The following RNF126 variants were observed in gnomAD, a reference collection of about 807,000 sequenced individuals.
RNF126 encodes the protein E3 ubiquitin-protein ligase RNF126.
A neutral mutation model predicts 41.9 loss-of-function variants in RNF126; 20 were observed. The ratio of observed to expected loss-of-function variants is 0.48; its 90% CI spans 0.34 to 0.69. The LOEUF (loss-of-function observed/expected upper bound fraction) is 0.69, where lower values mean the gene tolerates loss of function less well. Among genes scored for constraint, RNF126 ranks in the 30% least tolerant of loss-of-function variants. The pLI is 0.01. For missense variants in RNF126, 433 were observed against 460.6 expected, an observed-to-expected ratio of 0.94 and a Z score of 0.55; for synonymous variants, 239 against 202.9, an observed-to-expected ratio of 1.18 and a Z score of -1.51.
Position 650,273 on chromosome 19 carries a change from C to T in RNF126, c.467G>A (p.Gly156Asp). 14 of 1,582,218 alleles carry T rather than the reference C, an allele frequency of 8.8e-6. No homozygotes were observed. Among genetic ancestry groups the T allele is most frequent in the Non-Finnish European group, 1.2e-5 (14 of 1,165,594 alleles). Reference protein sequence around the residue: ...LEGIIQQLVNGIITPATIPSL... With the variant: ...LEGIIQQLVNDIITPATIPSL... The stretch of plus-strand genomic sequence containing the variant: ...GGGGATGGTGGCGGGCGTGATGATG[C>T]CGTTGACGAGCTGCTGGATGATCCT... The change falls in exon 5 of 9, where the codon GGC becomes GAC. Residue 156 changes from glycine to aspartate, a missense_variant. Around this residue, in one of 5 missense-constraint regions of RNF126, gnomAD observed 22 missense variants for 45.7 expected, o/e 0.48. Transcript: ENST00000292363.
intron 1 of RNF126, among the ~76,000 whole-genome samples, chr19:660,899 G>C (rs1257583682): frequency 6.6e-6 from 1 of 152,256 alleles, no homozygotes; most frequent in African/African-American, 2.4e-5. Flanking sequence ...CTGCTCCAAA[G>C]GCACAAGCAG....
chr19:658,908 G>A (rs1355913413), intron 1 of RNF126, among the ~76,000 whole-genome samples: 1 of 152,238 alleles, frequency 6.6e-6, no homozygotes, highest in African/African-American at 2.4e-5. Context: ...CCTCATGGTG[G>A]CAGAGTTCTA....
chr19:651,330 T>G, intron 4 of RNF126: 2 of 295,782 alleles, frequency 6.8e-6, no homozygotes, highest in Non-Finnish European at 1.2e-5. Context: ...CTGGACAGCG[T>G]TTGACGACAC....
chr19:657,279 G>A (rs1316939968), intron 1 of RNF126, among the ~76,000 whole-genome samples: 2 of 152,210 alleles, frequency 1.3e-5, no homozygotes, highest in African/African-American at 4.8e-5. Context: ...CGGCCGCTCT[G>A]GTCCCCATGT....
At chr19:649,120 A>C (rs1225931869) in intron 6 of RNF126, 145 bp from the exon 7 acceptor site, 5 of 392,122 alleles carry the variant, frequency 1.3e-5, no homozygotes, top group Non-Finnish European at 2.2e-5. Context: ...GGGGTCGGAG[A>C]TCACTGTGGA....
Position 651,640 on chromosome 19 carries a change from G to A in RNF126, c.414C>T (p.Gly138=). ...CCAGCGTGGGGACGCCTTCGTGCCG[G>A]CCGGTGGCCCGCCGCGTGGTGAGGC... ...RARLTTRRAT[G]RHEGVPTLEG... is the part of the protein sequence containing the mutation. The change falls in exon 4 of 9, where the codon GGC becomes GGT. Residue 138 remains glycine, a synonymous_variant. Transcript: ENST00000292363. 4.7e-6 allele frequency: 7 copies of A among 1,491,088 alleles called. No homozygotes were observed. Among genetic ancestry groups the A allele is most frequent in the Non-Finnish European group, 6.2e-6 (7 of 1,121,822 alleles). 92.4% of individuals were successfully genotyped at this position (1,491,088 alleles called of 1,614,324 possible). A position where few individuals can be genotyped will look rare whatever the true frequency, so the allele number is the denominator to read the frequency against.
At chr19:660,404 T>C (rs2030748208) in intron 1 of RNF126, among the ~76,000 whole-genome samples, 2 of 152,304 alleles carry the variant, frequency 1.3e-5, no homozygotes, top group South Asian at 2.1e-4. Context: ...ACACAGCCCA[T>C]GGCAGCCAGT....
rs369622203 is a variant in RNF126 at position 652,778 on chromosome 19, T to TGAGGCCC, written c.134+41_134+47dup. ...GCACAGCCCACACCCCTACAACAGCTGAGGCCCGGCTGGCTCTTCCAGCCT... is the reference window on the plus strand; with the variant it reads ...GCACAGCCCACACCCCTACAACAGCTGAGGCCCGAGGCCCGGCTGGCTCTTCCAGCCT... On this transcript the variant is annotated intron_variant, in intron 2 of 8. Transcript: ENST00000292363. 612 of 1,573,040 alleles carry TGAGGCCC rather than the reference T, an allele frequency of 3.9e-4. 2 individuals carry two copies. The African/African-American group carries it at 7.3e-3, about 19-fold the overall frequency.
Position 659,479 on chromosome 19 carries a change from A to G in RNF126, c.75+3568T>C, listed in dbSNP as rs1463003011. 6.6e-6 allele frequency among the ~76,000 whole-genome samples: 1 copy of G among 152,020 alleles called. No homozygotes were observed. The highest frequency in any genetic ancestry group is 1.5e-5 in the Non-Finnish European group (1 of 67,960). On this transcript the variant is annotated intron_variant, in intron 1 of 8. Transcript: ENST00000292363. This position sits in a 1 kb window ranked among gnomAD's most constrained non-coding sequence, Gnocchi z 4.9. ...TGGGGGGTCGGCAGGCAGAGCTGGAACCACCCTAGGAACCACCCAGAGACG... is the reference window on the plus strand; with the variant it reads ...TGGGGGGTCGGCAGGCAGAGCTGGAGCCACCCTAGGAACCACCCAGAGACG...
At chr19:657,153 G>A (rs1386215416) in intron 1 of RNF126, among the ~76,000 whole-genome samples, 3 of 152,332 alleles carry the variant, frequency 2.0e-5, no homozygotes, top group Non-Finnish European at 2.9e-5. Flanking sequence ...AGCCCCAGAA[G>A]GGCCTGAGGG....
chr19:662,376 C>T (rs1300121152), intron 1 of RNF126, among the ~76,000 whole-genome samples: 5 of 152,216 alleles, frequency 3.3e-5, no homozygotes, highest in African/African-American at 1.2e-4. Context: ...CTGTAAACAC[C>T]TGGAGGAAGG....
chr19:652,463 C>T lies in RNF126; in HGVS notation c.135-167G>A, dbSNP rs370960082. 1.2e-4 allele frequency: 79 copies of T among 643,972 alleles called. 1 individual carries two copies. In the East Asian group the frequency reaches 1.9e-3, roughly 15 times the overall value. The allele number at this position is 643,972 out of a possible 1,614,324, so 39.9% of individuals were successfully genotyped here. On this transcript the variant is annotated intron_variant, in intron 2 of 8. Coordinates refer to ENST00000292363, the MANE Select transcript of RNF126 (RefSeq NM_194460.3). Reference sequence around the variant, plus strand: ...TGCCGTAACCCGCTGCTGCTTCCCTCGCCAGTAAACCACGGGTTTCTCGAT... The same window carrying T: ...TGCCGTAACCCGCTGCTGCTTCCCTTGCCAGTAAACCACGGGTTTCTCGAT...
chr19:652,555 C>T, intron 2 of RNF126: 1 of 602,850 alleles, frequency 1.7e-6, no homozygotes, highest in African/African-American at 1.9e-5. Context: ...TGGCCCCTTC[C>T]CCGGAGGGCC....
At chr19:662,419 G>A (rs988108370) in intron 1 of RNF126, among the ~76,000 whole-genome samples, 13 of 152,176 alleles carry the variant, frequency 8.5e-5, no homozygotes, top group Non-Finnish European at 1.9e-4. Context: ...GGGAGGGGAG[G>A]AACGCAGGCT....
At chr19:661,014 G>A (rs549547071) in intron 1 of RNF126, among the ~76,000 whole-genome samples, 80 of 152,348 alleles carry the variant, frequency 5.3e-4, no homozygotes, top group African/African-American at 1.9e-3. Context: ...TTAAATATTT[G>A]TCAATCACTG....
In RNF126 at chr19:649,147, C is replaced by A. The variant is rs974038203; in HGVS notation, c.577-172G>T. 4.3e-4 allele frequency: 155 copies of A among 361,682 alleles called. 1 individual carries two copies. In the East Asian group the frequency reaches 6.1e-3, roughly 14 times the overall value. 22.4% of individuals were successfully genotyped at this position (361,682 alleles called of 1,614,324 possible). A position where few individuals can be genotyped will look rare whatever the true frequency, so the allele number is the denominator to read the frequency against. ...CACTGTGGAGCCCACGCGGCCCCCC[C>A]GCTCCTGGGTCCCCTGACGGTGGAA... On this transcript the variant is annotated intron_variant, in intron 6 of 8. Coordinates refer to ENST00000292363, the MANE Select transcript of RNF126 (RefSeq NM_194460.3).
chr19:658,568 A>C (rs1482913659), intron 1 of RNF126, among the ~76,000 whole-genome samples: 3 of 152,130 alleles, frequency 2.0e-5, no homozygotes, highest in African/African-American at 7.2e-5. Context: ...CCGCAGCCCC[A>C]GAGGCACGGG....
chr19:661,691 C>T (rs897020212), intron 1 of RNF126, among the ~76,000 whole-genome samples: 3 of 152,198 alleles, frequency 2.0e-5, no homozygotes, highest in African/African-American at 7.2e-5. Context: ...CAGCCCCTTC[C>T]TGGGTCTCTA....
At chr19:658,276 C>A (rs2030645364) in intron 1 of RNF126, among the ~76,000 whole-genome samples, 1 of 152,112 alleles carries the variant, frequency 6.6e-6, no homozygotes, top group Non-Finnish European at 1.5e-5. Context: ...TCCACGGGGC[C>A]TGCACGGGGC....
Sources: allele counts gnomAD v4.1 joint callset (sites outside exome capture counted in the v4.1 genomes callset), GRCh38; gene constraint gnomAD v4.1.1; regional missense constraint gnomAD v4.1.1; non-coding constraint Gnocchi (gnomAD v3.1); transcripts MANE v1.5; gene names NCBI Gene and HGNC (gene_info 2026-07-23, HGNC 2026-07-21).